The following SGCD variants were observed in gnomAD, a reference collection of about 807,000 sequenced individuals.
The protein encoded by SGCD is delta-sarcoglycan.
Under a neutral mutation model 36.6 loss-of-function variants are expected in SGCD, and 18 were observed. The observed-to-expected ratio is 0.49, with a 90% CI of 0.34 to 0.73. The LOEUF (loss-of-function observed/expected upper bound fraction) is 0.73, where lower values mean the gene tolerates loss of function less well. SGCD is among the 30% of genes least tolerant of loss of function. SGCD has a pLI of 0.01. For synonymous variants in SGCD, 133 were observed against 130.6 expected (o/e 1.02, Z -0.12); for missense variants, 387 against 346.7 (o/e 1.12, Z -0.92).
At chr5:155,933,553 A>G (rs1757138783) in intron 1 of SGCD, among the ~76,000 whole-genome samples, 1 of 152,208 alleles carries the variant, frequency 6.6e-6, no homozygotes, top group Non-Finnish European at 1.5e-5. Context: ...TGAATAAATG[A>G]GTGAATGAAT....
intron 3 of SGCD, among the ~76,000 whole-genome samples, chr5:156,401,568 C>G (rs548688756): frequency 1.8e-4 from 28 of 152,242 alleles, no homozygotes; most frequent in African/African-American, 6.7e-4. Context: ...AAGAAAGCCA[C>G]AGGTGGTAGC....
the SGCD span, among the ~76,000 whole-genome samples, chr5:155,845,849 C>G: frequency 6.6e-6 from 1 of 152,204 alleles, no homozygotes; most frequent in Non-Finnish European, 1.5e-5. Context: ...GGACAGAATG[C>G]TATCTGAATT....
chr5:156,305,844 AG>A (rs1259927941), intron 3 of SGCD, among the ~76,000 whole-genome samples: 1 of 152,138 alleles, frequency 6.6e-6, no homozygotes, highest in Non-Finnish European at 1.5e-5. Flanking sequence ...ATGGAGTCAA[AG>A]GAGAGAGATT....
At chr5:156,329,199 G>A (rs1011934885) in intron 1 of SGCD, among the ~76,000 whole-genome samples, 5 of 152,214 alleles carry the variant, frequency 3.3e-5, no homozygotes, top group African/African-American at 1.2e-4. Context: ...GGTGGAGGCA[G>A]TGAAGGGAGA....
intron 7 of SGCD, among the ~76,000 whole-genome samples, chr5:156,685,780 G>A (rs567304243): frequency 3.4e-4 from 52 of 152,252 alleles, no homozygotes; most frequent in African/African-American, 1.0e-3. Flanking sequence ...AGTCAAGCTG[G>A]GCTGATGTTC....
chr5:155,756,886 A>G, the SGCD span, among the ~76,000 whole-genome samples: 4 of 152,192 alleles, frequency 2.6e-5, no homozygotes, highest in Non-Finnish European at 2.9e-5. Flanking sequence ...CAGCAATGAC[A>G]TGAGTATGGC....
intron 1 of SGCD, among the ~76,000 whole-genome samples, chr5:156,001,370 A>G (rs949328880): frequency 3.3e-5 from 5 of 152,202 alleles, no homozygotes; most frequent in African/African-American, 7.2e-5. Flanking sequence ...AACTGGCAAA[A>G]TTTCAAAATC....
intron 1 of SGCD, among the ~76,000 whole-genome samples, chr5:156,082,024 T>G (rs868448258): frequency 3.9e-5 from 6 of 152,270 alleles, no homozygotes; most frequent in Middle Eastern, 3.4e-3. Flanking sequence ...CAAAGTCTGT[T>G]GGGCTTGTAG....
At chr5:155,897,046 G>A (rs1756279628) in intron 1 of SGCD, among the ~76,000 whole-genome samples, 1 of 152,136 alleles carries the variant, frequency 6.6e-6, no homozygotes, top group South Asian at 2.1e-4. Context: ...AGATGTTCCT[G>A]TGTTACTTAA....
intron 3 of SGCD, among the ~76,000 whole-genome samples, chr5:156,218,803 A>C (rs565602973): frequency 6.6e-6 from 1 of 152,318 alleles, no homozygotes; most frequent in East Asian, 1.9e-4. Context: ...TAAATAGTGC[A>C]TTAGCTTATT....
the SGCD span, among the ~76,000 whole-genome samples, chr5:155,732,029 T>C: frequency 1.3e-5 from 2 of 152,210 alleles, no homozygotes; most frequent in African/African-American, 4.8e-5. Flanking sequence ...CCCAAGGAAG[T>C]TGCTCAGCCA....
chr5:156,674,993 G>A (rs1212763331), intron 7 of SGCD, among the ~76,000 whole-genome samples: 1 of 152,148 alleles, frequency 6.6e-6, no homozygotes, highest in Non-Finnish European at 1.5e-5. Flanking sequence ...ATAATGAAAA[G>A]TATATCCTTT....
chr5:156,653,509 G>C (rs867952469), intron 7 of SGCD, among the ~76,000 whole-genome samples: 3 of 9,894 alleles, frequency 3.0e-4, no homozygotes, highest in Non-Finnish European at 4.8e-4. Flanking sequence ...TTTTTTTTTT[G>C]CCCCTGTTGT....
intron 3 of SGCD, among the ~76,000 whole-genome samples, chr5:156,142,393 A>G (rs2127610911): frequency 1.3e-5 from 2 of 152,342 alleles, no homozygotes; most frequent in South Asian, 4.1e-4. Flanking sequence ...GCATTGCTAT[A>G]AAAGCATCTG....
At chr5:155,861,839 G>A in the SGCD span, among the ~76,000 whole-genome samples, 3 of 152,222 alleles carry the variant, frequency 2.0e-5, no homozygotes, top group Admixed American at 6.5e-5. Flanking sequence ...AGATTTTACC[G>A]GGAGTGAGGA....
At chr5:155,890,583 G>A (rs1756101656) in intron 1 of SGCD, among the ~76,000 whole-genome samples, 1 of 152,024 alleles carries the variant, frequency 6.6e-6, no homozygotes, top group African/African-American at 2.4e-5. Context: ...ACTTCAGCCT[G>A]GGTGACAGTG....
chr5:156,699,500 C>A (rs1469566131), intron 7 of SGCD, among the ~76,000 whole-genome samples: 1 of 151,658 alleles, frequency 6.6e-6, no homozygotes, highest in Non-Finnish European at 1.5e-5. Context: ...ATTTCTAAAG[C>A]TTGAAATTAC....
chr5:155,985,954 T>G (rs965297852), intron 1 of SGCD, among the ~76,000 whole-genome samples: 3 of 152,200 alleles, frequency 2.0e-5, no homozygotes, highest in African/African-American at 7.2e-5. Context: ...TACTTTGAAC[T>G]CTTCAGAATT....
chr5:155,734,108 TATTA>T, the SGCD span, among the ~76,000 whole-genome samples: 29 of 147,560 alleles, frequency 2.0e-4, no homozygotes, highest in East Asian at 9.7e-4. Flanking sequence ...TTATTAATTA[TATTA>T]ATTAATATTG....
Sources: gnomAD v4.1 joint callset for allele counts (sites outside exome capture counted in the v4.1 genomes callset) on GRCh38, gnomAD v4.1.1 for gene constraint, MANE v1.5 for transcripts, NCBI Gene and HGNC (gene_info 2026-07-23, HGNC 2026-07-21) for gene names.